Variants in SEC61A2 observed in about 807,000 individuals in gnomAD.
SEC61A2 encodes the protein SEC61 translocon subunit alpha 2.
SEC61A2 carries 28 observed loss-of-function variants against 59.9 expected under a neutral mutation model. The observed-to-expected ratio is 0.47, with a 90% CI of 0.35 to 0.64. The LOEUF is 0.64. SEC61A2 is among the 30% of genes least tolerant of loss of function. The pLI is 0.01. For missense variants in SEC61A2, 340 were observed against 585.9 expected (o/e 0.58, Z 4.33); for synonymous variants, 202 against 214.4 (o/e 0.94, Z 0.50).
rs1216973177 is a variant in SEC61A2 at position 12,160,499 on chromosome 10, T to TA, written c.976-428dup. Among the ~76,000 whole-genome samples the TA allele has an allele frequency of 6.6e-6, 1 of 152,232 alleles. No homozygotes were observed. Among genetic ancestry groups the TA allele is most frequent in the Non-Finnish European group, 1.5e-5 (1 of 68,038 alleles). Reference sequence around the variant, plus strand: ...ACCACATAAAGTCTAGGCAGCAAGTTAAAGTCTTATGTCAGTATTTTAGTT... The same window carrying TA: ...ACCACATAAAGTCTAGGCAGCAAGTTAAAAGTCTTATGTCAGTATTTTAGTT... On this transcript the variant is annotated intron_variant, in intron 9 of 11. Transcript: ENST00000298428. The surrounding 1 kb of genome is among the most constrained non-coding windows in gnomAD (Gnocchi z 4.1).
chr10:12,168,429 G>T (rs1256120891), downstream of SEC61A2, among the ~76,000 whole-genome samples: 1 of 152,184 alleles, frequency 6.6e-6, no homozygotes, highest in Non-Finnish European at 1.5e-5. The surrounding 1 kb of genome is among the most constrained non-coding windows in gnomAD (Gnocchi z 4.8). Flanking sequence ...AAACCAGATG[G>T]TGATGATTAT....
chr10:12,169,324 C>T (rs1267568542), downstream of SEC61A2: 1 of 1,552,460 alleles, frequency 6.4e-7, no homozygotes, highest in Non-Finnish European at 8.7e-7. The surrounding 1 kb of genome is among the most constrained non-coding windows in gnomAD (Gnocchi z 4.8). Flanking sequence ...TACTCTTCTA[C>T]TAAAAGATAA....
At chr10:12,139,985 A>G (rs1475296669) in intron 3 of SEC61A2, among the ~76,000 whole-genome samples, 2 of 151,772 alleles carry the variant, frequency 1.3e-5, no homozygotes, top group East Asian at 1.9e-4. Context: ...AAAAAAAAAA[A>G]AGAATTCATG....
chr10:12,165,607 C>T (rs927874368), downstream of SEC61A2: 2 of 152,944 alleles, frequency 1.3e-5, no homozygotes, highest in African/African-American at 4.8e-5. Context: ...CTCAAAACAA[C>T]AATATCCCAG....
In SEC61A2 at chr10:12,154,931, G is replaced by A. The variant is rs2895502; in HGVS notation, c.463-847G>A. ...GGACATGTGTGAGGTTGGGGGCATG[G>A]AAGCATATTTTCTTCCTGTCTTGAT... On this transcript the variant is annotated intron_variant, in intron 6 of 11. Transcript: ENST00000298428. This position sits in a 1 kb window ranked among gnomAD's most constrained non-coding sequence, Gnocchi z 5.2. Among the ~76,000 whole-genome samples, 52,830 of 151,896 alleles carry A rather than the reference G, an allele frequency of 0.35. 9,625 individuals are homozygous for A. The highest frequency in any genetic ancestry group is 0.42 in the East Asian group (2,152 of 5,152).
rs945702980 is a variant in SEC61A2, at chr10:12,154,657, A to G, written c.463-1121A>G. On this transcript the variant is annotated intron_variant, in intron 6 of 11. Coordinates refer to ENST00000298428, the MANE Select transcript of SEC61A2 (RefSeq NM_018144.4). This position sits in a 1 kb window ranked among gnomAD's most constrained non-coding sequence, Gnocchi z 5.2. ...GAGAATCGTACCCTTTCTCCTGCCC[A>G]TTGAAACTCAGACTAAAAGCCTGTA... Among the ~76,000 whole-genome samples, 1 of 152,210 alleles carries G rather than the reference A, an allele frequency of 6.6e-6. No homozygotes were observed. The highest frequency in any genetic ancestry group is 6.5e-5 in the Admixed American group (1 of 15,278).
chr10:12,136,462 C>G (rs115063119), intron 3 of SEC61A2, among the ~76,000 whole-genome samples: 1,467 of 146,184 alleles, frequency 0.01, 24 homozygotes, highest in African/African-American at 0.036. Flanking sequence ...TTCCTACTAC[C>G]ATGCCCAGCT....
rs1230103669 is a variant in SEC61A2 at position 12,149,080 on chromosome 10, A to G, written c.221-515A>G. On this transcript the variant is annotated intron_variant, in intron 4 of 11. Transcript: ENST00000298428. This position sits in a 1 kb window ranked among gnomAD's most constrained non-coding sequence, Gnocchi z 5.2. ...ATATTTGATTTTCTTATTTCTCCCT[A>G]TAAATTCTTTTTTTTTGGTTTGTTT... Among the ~76,000 whole-genome samples the G allele has an allele frequency of 1.3e-5, 2 of 151,836 alleles. No individual in the cohort carries two copies. Among genetic ancestry groups the G allele is most frequent in the Admixed American group, 6.6e-5 (1 of 15,228 alleles).
intron 1 of SEC61A2, chr10:12,130,889 C>G (rs1833718096): frequency 1.3e-5 from 2 of 152,198 alleles, no homozygotes; most frequent in Admixed American, 6.5e-5. Flanking sequence ...ACATCAGTGA[C>G]TGGTGGGGCG....
Position 12,161,070 on chromosome 10 carries a change from TG to T in SEC61A2, c.1117del (p.Ala373HisfsTer18). 6.2e-7 allele frequency: 1 copy of T among 1,613,990 alleles called. No individual in the cohort carries two copies. The highest frequency in any genetic ancestry group is 8.5e-7 in the Non-Finnish European group (1 of 1,179,922). On this transcript the variant is annotated frameshift_variant, in exon 10 of 12. Transcript: ENST00000298428. LOFTEE classifies it high-confidence loss of function. The surrounding 1 kb of genome is among the most constrained non-coding windows in gnomAD (Gnocchi z 5.4). The part of the protein sequence containing the change: ...VYIIFMLGSC[A>X]FFSKTWIEVS... ...ATATCATCTTCATGTTGGGGTCATG[TG>T]CATTCTTCTCTAAGACATGGATTGA...
chr10:12,169,327 A>G, downstream of SEC61A2: 1 of 1,551,388 alleles, frequency 6.4e-7, no homozygotes, highest in South Asian at 1.2e-5. The surrounding 1 kb of genome is among the most constrained non-coding windows in gnomAD (Gnocchi z 4.8). Context: ...TCTTCTACTA[A>G]AAGATAACCC....
At chr10:12,147,789 T>G (rs1417970382) in intron 4 of SEC61A2, among the ~76,000 whole-genome samples, 2 of 152,154 alleles carry the variant, frequency 1.3e-5, no homozygotes, top group Non-Finnish European at 2.9e-5. Flanking sequence ...GGCCAATTTT[T>G]TTGCCAAGGT....
downstream of SEC61A2, among the ~76,000 whole-genome samples, chr10:12,168,189 TA>T (rs1359948500): frequency 2.0e-5 from 3 of 152,078 alleles, no homozygotes; most frequent in African/African-American, 7.2e-5. This position sits in a 1 kb window ranked among gnomAD's most constrained non-coding sequence, Gnocchi z 4.8. Context: ...CACGCCCAGC[TA>T]ATTTTTGTAT....
intron 1 of SEC61A2, among the ~76,000 whole-genome samples, chr10:12,131,835 G>C (rs111728022): frequency 1 from 127,011 of 127,014 alleles, 63,504 homozygotes; most frequent in Middle Eastern, 1. Context: ...GGACTACAGG[G>C]GCCCGCCACC....
At position 12,161,578 on chromosome 10, in the gene SEC61A2, T is replaced by C. The variant is rs184205603; in HGVS notation, c.1167+457T>C. On this transcript the variant is annotated intron_variant, in intron 10 of 11. Coordinates refer to ENST00000298428, the MANE Select transcript of SEC61A2 (RefSeq NM_018144.4). The surrounding 1 kb of genome is among the most constrained non-coding windows in gnomAD (Gnocchi z 5.4). ...CAGCATGGTAAAACCCTTTCTCTACTAAAAATACAAAAATTAGCTGGGCGT... is the reference window on the plus strand; with the variant it reads ...CAGCATGGTAAAACCCTTTCTCTACCAAAAATACAAAAATTAGCTGGGCGT... 2.6e-3 allele frequency among the ~76,000 whole-genome samples: 397 copies of C among 152,158 alleles called. 1 individual carries two copies. Among genetic ancestry groups the C allele is most frequent in the African/African-American group, 9.2e-3 (382 of 41,522 alleles).
Position 12,164,119 on chromosome 10 carries a change from A to G in SEC61A2, c.1245-149A>G, listed in dbSNP as rs1231419593. 1.6e-5 allele frequency: 13 copies of G among 799,328 alleles called. No homozygotes were observed. Among genetic ancestry groups the G allele is most frequent in the Non-Finnish European group, 2.3e-5 (12 of 524,248 alleles). 49.5% of individuals were successfully genotyped at this position (799,328 alleles called of 1,614,324 possible). A position where few individuals can be genotyped will look rare whatever the true frequency, so the allele number is the denominator to read the frequency against. On this transcript the variant is annotated intron_variant, in intron 11 of 11. Transcript: ENST00000298428. This position sits in a 1 kb window ranked among gnomAD's most constrained non-coding sequence, Gnocchi z 7.3. ...CTCCTGTTCCCATGCCGTGCCCTGCACACCCCTCCACACTGCAGCCTGTTC... is the reference window on the plus strand; with the variant it reads ...CTCCTGTTCCCATGCCGTGCCCTGCGCACCCCTCCACACTGCAGCCTGTTC...
chr10:12,155,405 G>A lies in SEC61A2; in HGVS notation c.463-373G>A. 6.9e-7 allele frequency: 1 copy of A among 1,458,248 alleles called. No individual in the cohort carries two copies. The highest frequency in any genetic ancestry group is 9.2e-7 in the Non-Finnish European group (1 of 1,085,216). The allele number at this position is 1,458,248 out of a possible 1,614,324, so 90.3% of individuals were successfully genotyped here. The stretch of plus-strand genomic sequence containing the variant: ...TCATCTGACTTTTTACTTCCTTGGA[G>A]GTATTTGGGATGTTTTCAGTTTCTT... On this transcript the variant is annotated intron_variant, in intron 6 of 11. Coordinates refer to ENST00000298428, the MANE Select transcript of SEC61A2 (RefSeq NM_018144.4). The surrounding 1 kb of genome is among the most constrained non-coding windows in gnomAD (Gnocchi z 4.3).
rs899623727 is a variant in SEC61A2, at chr10:12,164,131, A to G, written c.1245-137A>G. On this transcript the variant is annotated intron_variant, in intron 11 of 11. Transcript: ENST00000298428. This position sits in a 1 kb window ranked among gnomAD's most constrained non-coding sequence, Gnocchi z 7.3. ...TGCCGTGCCCTGCACACCCCTCCAC[A>G]CTGCAGCCTGTTCCCTCTGGAGTTC... 1.6e-5 allele frequency: 15 copies of G among 938,982 alleles called. No individual in the cohort carries two copies. The African/African-American group carries it at 1.9e-4, about 12-fold the overall frequency. 58.2% of individuals were successfully genotyped at this position (938,982 alleles called of 1,614,324 possible).
At position 12,158,240 on chromosome 10, in the gene SEC61A2, AGT is replaced by A. The variant is rs1450059700; in HGVS notation, c.975+136_975+137del. Reference sequence around the variant, plus strand: ...TTCACTTACCTATATAGCAGAGTTTAGTACTTATCTGGAAGAACTGGTAAGTG... The same window carrying A: ...TTCACTTACCTATATAGCAGAGTTTAACTTATCTGGAAGAACTGGTAAGTG... On this transcript the variant is annotated intron_variant, in intron 9 of 11. Coordinates refer to ENST00000298428, the MANE Select transcript of SEC61A2 (RefSeq NM_018144.4). The surrounding 1 kb of genome is among the most constrained non-coding windows in gnomAD (Gnocchi z 5.7). 5.7e-6 allele frequency: 4 copies of A among 701,412 alleles called. No individual in the cohort carries two copies. The highest frequency in any genetic ancestry group is 4.6e-6 in the Non-Finnish European group (2 of 430,778). The allele number at this position is 701,412 out of a possible 1,614,324, so 43.4% of individuals were successfully genotyped here. A position where few individuals can be genotyped will look rare whatever the true frequency, so the allele number is the denominator to read the frequency against.
Sources: gnomAD v4.1 joint callset for allele counts (sites outside exome capture counted in the v4.1 genomes callset) on GRCh38, gnomAD v4.1.1 for gene constraint, Gnocchi (gnomAD v3.1) non-coding constraint, MANE v1.5 for transcripts, NCBI Gene and HGNC (gene_info 2026-07-23, HGNC 2026-07-21) for gene names.